PRKAG2: variants seen among roughly 807,000 people sequenced by gnomAD.
The protein encoded by PRKAG2 is 5'-AMP-activated protein kinase subunit gamma-2.
In PRKAG2, 26 loss-of-function variants were observed where a neutral mutation model predicts 69.6. The observed-to-expected ratio is 0.37, with a 90% CI of 0.27 to 0.52. The LOEUF (loss-of-function observed/expected upper bound fraction) is 0.52. PRKAG2 is among the 20% of genes least tolerant of loss of function. PRKAG2 has a pLI of 0.90. For synonymous variants in PRKAG2, 293 were observed against 285.0 expected (o/e 1.03, Z -0.28); for missense variants, 557 against 740.0 (o/e 0.75, Z 2.87).
intron 6 of PRKAG2, among the ~76,000 whole-genome samples, chr7:151,579,996 T>A (rs1042983903): frequency 1.3e-5 from 2 of 152,032 alleles, no homozygotes; most frequent in African/African-American, 4.8e-5. Context: ...CAAAGTAAGG[T>A]TTTTTGGATT....
At chr7:151,817,193 A>T (rs777968465) in intron 1 of PRKAG2, among the ~76,000 whole-genome samples, 1 of 152,180 alleles carries the variant, frequency 6.6e-6, no homozygotes, top group Non-Finnish European at 1.5e-5. Context: ...GGGCGGAGTC[A>T]GCTGTCTTGA....
At chr7:151,574,441 G>A (rs758490516) in intron 8 of PRKAG2, among the ~76,000 whole-genome samples, 3 of 152,080 alleles carry the variant, frequency 2.0e-5, no homozygotes, top group Non-Finnish European at 4.4e-5. Flanking sequence ...ATGTCAAAAC[G>A]GAATTTATTT....
Position 151,788,258 on chromosome 7 carries a change from CTTG to C in PRKAG2, c.115-1720_115-1718del, listed in dbSNP as rs1434186955. On this transcript the variant is annotated intron_variant, in intron 1 of 15. Coordinates refer to ENST00000287878, the MANE Select transcript of PRKAG2 (RefSeq NM_016203.4). The surrounding 1 kb of genome is among the most constrained non-coding windows in gnomAD (Gnocchi z 4.6). ...CAATTTCTCCACATCCTCATCAACACTTGTTATCTTTGGTCTTTGTTTTCTGTG... is the reference window on the plus strand; with the variant it reads ...CAATTTCTCCACATCCTCATCAACACTTATCTTTGGTCTTTGTTTTCTGTG... Among the ~76,000 whole-genome samples the C allele has an allele frequency of 6.6e-6, 1 of 152,216 alleles. No individual in the cohort carries two copies. The highest frequency in any genetic ancestry group is 1.5e-5 in the Non-Finnish European group (1 of 68,032).
At chr7:151,680,211 T>C (rs776201812) in intron 3 of PRKAG2, among the ~76,000 whole-genome samples, 45 of 152,162 alleles carry the variant, frequency 3.0e-4, no homozygotes, top group Non-Finnish European at 5.3e-4. Context: ...TCTGGGGCCA[T>C]AGACTTATTT....
At chr7:151,697,529 C>G (rs1013448469) in intron 3 of PRKAG2, among the ~76,000 whole-genome samples, 1 of 152,146 alleles carries the variant, frequency 6.6e-6, no homozygotes, top group Non-Finnish European at 1.5e-5. Flanking sequence ...AGCCCCGGAG[C>G]CCCTGGTCCT....
At chr7:151,798,100 G>A (rs1468754787) in intron 1 of PRKAG2, among the ~76,000 whole-genome samples, 7 of 152,186 alleles carry the variant, frequency 4.6e-5, no homozygotes, top group Admixed American at 1.3e-4. Context: ...CGCCTCCTGG[G>A]TTCAAGTGAT....
intron 4 of PRKAG2, among the ~76,000 whole-genome samples, chr7:151,652,193 A>G (rs1828642556): frequency 6.6e-6 from 1 of 152,168 alleles, no homozygotes; most frequent in Non-Finnish European, 1.5e-5. Context: ...AAACCCCACC[A>G]CTTGTCAAGA....
intron 13 of PRKAG2, among the ~76,000 whole-genome samples, chr7:151,564,896 A>G (rs1805877396): frequency 6.6e-6 from 1 of 152,120 alleles, no homozygotes; most frequent in South Asian, 2.1e-4. Context: ...GTGGCAAAAA[A>G]TGGCGTGCAC....
chr7:151,845,375 C>T (rs1213328476), intron 1 of PRKAG2, among the ~76,000 whole-genome samples: 1 of 152,134 alleles, frequency 6.6e-6, no homozygotes, highest in Non-Finnish European at 1.5e-5. Context: ...GCGTGGTTCC[C>T]GGACCAGCAG....
intron 5 of PRKAG2, among the ~76,000 whole-genome samples, chr7:151,616,296 G>A (rs1427611003): frequency 6.6e-6 from 1 of 152,100 alleles, no homozygotes; most frequent in African/African-American, 2.4e-5. Flanking sequence ...ATGCACATAT[G>A]CACACAGGCA....
intron 6 of PRKAG2, among the ~76,000 whole-genome samples, chr7:151,591,655 G>T (rs1184491747): frequency 6.6e-6 from 1 of 152,108 alleles, no homozygotes; most frequent in African/African-American, 2.4e-5. Flanking sequence ...CACCGGTACT[G>T]AGTGACACTA....
intron 1 of PRKAG2, among the ~76,000 whole-genome samples, chr7:151,837,811 T>C (rs1193242705): frequency 6.6e-6 from 1 of 152,110 alleles, no homozygotes; most frequent in Non-Finnish European, 1.5e-5. Context: ...GGGCCTGTCT[T>C]AGGGAGGAAT....
chr7:151,862,417 C>T (rs2079954034), intron 1 of PRKAG2, among the ~76,000 whole-genome samples: 1 of 152,156 alleles, frequency 6.6e-6, no homozygotes, highest in South Asian at 2.1e-4. Flanking sequence ...TTGTAAAAAA[C>T]GGGTTCACTC....
chr7:151,815,695 T>C (rs1033760649), intron 1 of PRKAG2, among the ~76,000 whole-genome samples: 2 of 152,172 alleles, frequency 1.3e-5, no homozygotes, highest in African/African-American at 4.8e-5. Flanking sequence ...CATTCCTGAG[T>C]CTGCATGTCT....
chr7:151,592,643 A>G (rs868570325), intron 6 of PRKAG2, among the ~76,000 whole-genome samples: 3 of 152,198 alleles, frequency 2.0e-5, no homozygotes, highest in African/African-American at 7.2e-5. Context: ...TAACGTGGTC[A>G]TTTTGAGTAC....
Position 151,786,515 on chromosome 7 carries a change from G to A in PRKAG2, c.141C>T (p.Leu47=), listed in dbSNP as rs1244792476. Residue 47 remains leucine, a synonymous_variant, in exon 2 of 16, where the codon CTC becomes CTT. Coordinates refer to ENST00000287878, the MANE Select transcript of PRKAG2 (RefSeq NM_016203.4). ...CGGAACCCTCCAGGTCTCCGTCCAG[G>A]AGCGGCATGGCGAAGGAGCTCAGGT... ...IPDLSSFAMP[L]LDGDLEGSGK... 3 of 1,613,010 alleles carry A rather than the reference G, an allele frequency of 1.9e-6. No homozygotes were observed. Among genetic ancestry groups the A allele is most frequent in the Non-Finnish European group, 2.5e-6 (3 of 1,179,698 alleles).
chr7:151,820,133 CT>C (rs1261615546), intron 1 of PRKAG2, among the ~76,000 whole-genome samples: 1 of 152,260 alleles, frequency 6.6e-6, no homozygotes, highest in Non-Finnish European at 1.5e-5. Context: ...TCTGAACAAG[CT>C]CGATGTGTGC....
chr7:151,834,722 A>T (rs1462073479), intron 1 of PRKAG2, among the ~76,000 whole-genome samples: 1 of 152,092 alleles, frequency 6.6e-6, no homozygotes, highest in Non-Finnish European at 1.5e-5. Context: ...AACGGAGTGG[A>T]GGGAGTGTGG....
chr7:151,613,788 C>T (rs995608949), intron 5 of PRKAG2, among the ~76,000 whole-genome samples: 31 of 149,670 alleles, frequency 2.1e-4, no homozygotes, highest in Middle Eastern at 3.6e-3. Context: ...CCACTGTGCC[C>T]GGCAGCAGTC....
Sources: gnomAD v4.1 joint callset for allele counts (sites outside exome capture counted in the v4.1 genomes callset) on GRCh38, gnomAD v4.1.1 for gene constraint, Gnocchi (gnomAD v3.1) non-coding constraint, MANE v1.5 for transcripts, NCBI Gene and HGNC (gene_info 2026-07-23, HGNC 2026-07-21) for gene names.